The following LRBA variants were observed in gnomAD, a reference collection of about 807,000 sequenced individuals.
The protein encoded by LRBA is lipopolysaccharide-responsive and beige-like anchor protein.
LRBA carries 176 observed loss-of-function variants against 330.0 expected under a neutral mutation model. The observed-to-expected ratio is 0.53, with a 90% CI of 0.47 to 0.60. LRBA has a LOEUF of 0.60. Among genes scored for constraint, LRBA ranks in the 20% least tolerant of loss-of-function variants. LRBA has a pLI of 0.00. For missense variants in LRBA, 3,259 were observed against 3,444.8 expected (o/e 0.95, Z 1.35); for synonymous variants, 1,230 against 1,193.0 (o/e 1.03, Z -0.64).
At chr4:150,578,383 A>G (rs2126327318) in intron 40 of LRBA, among the ~76,000 whole-genome samples, 1 of 152,308 alleles carries the variant, frequency 6.6e-6, no homozygotes, top group East Asian at 1.9e-4. Flanking sequence ...AATTATAAAA[A>G]TTTCCTTAAA....
At chr4:150,577,011 A>G (rs1770631788) in intron 40 of LRBA, among the ~76,000 whole-genome samples, 1 of 151,922 alleles carries the variant, frequency 6.6e-6, no homozygotes, top group South Asian at 2.1e-4. Flanking sequence ...ACCATATAAA[A>G]TTATTAACAG....
intron 47 of LRBA, among the ~76,000 whole-genome samples, chr4:150,397,210 T>A (rs941859987): frequency 6.6e-6 from 1 of 152,212 alleles, no homozygotes; most frequent in African/African-American, 2.4e-5. Context: ...TGATGAAAAG[T>A]GAAAAATGAA....
At chr4:150,383,456 G>A (rs1406161266) in intron 47 of LRBA, among the ~76,000 whole-genome samples, 3 of 152,064 alleles carry the variant, frequency 2.0e-5, no homozygotes, top group Non-Finnish European at 4.4e-5. Context: ...GTCTCACTAT[G>A]TTGCCCAGGC....
intron 48 of LRBA, among the ~76,000 whole-genome samples, chr4:150,327,033 C>A (rs1050272844): frequency 2.6e-5 from 4 of 151,876 alleles, no homozygotes; most frequent in Non-Finnish European, 2.9e-5. Context: ...AAAATGGGAA[C>A]CTGAAGGCTA....
chr4:150,574,647 T>C (rs1242599007), intron 40 of LRBA, among the ~76,000 whole-genome samples: 1 of 152,050 alleles, frequency 6.6e-6, no homozygotes, highest in Non-Finnish European at 1.5e-5. Flanking sequence ...CCACCTTACA[T>C]TTAAAATACA....
intron 40 of LRBA, among the ~76,000 whole-genome samples, chr4:150,585,373 A>G (rs570961343): frequency 1.3e-5 from 2 of 152,330 alleles, no homozygotes; most frequent in South Asian, 4.1e-4. Context: ...CTTATATGCA[A>G]TTCAAACAAA....
At chr4:150,907,316 AAGGG>A (rs1486825584) in intron 11 of LRBA, among the ~76,000 whole-genome samples, 1 of 25,278 alleles carries the variant, frequency 4.0e-5, no homozygotes, top group African/African-American at 1.7e-4. Flanking sequence ...GGAGAGGGGG[AAGGG>A]AGGGAGGGGG....
chr4:150,520,822 T>G (rs1353840688), intron 40 of LRBA, among the ~76,000 whole-genome samples: 3 of 152,194 alleles, frequency 2.0e-5, no homozygotes, highest in East Asian at 3.8e-4. Flanking sequence ...ATGTACCTAT[T>G]GGGTAACTAT....
At chr4:151,003,692 T>G (rs532190397) in intron 2 of LRBA, among the ~76,000 whole-genome samples, 1 of 152,064 alleles carries the variant, frequency 6.6e-6, no homozygotes, top group Non-Finnish European at 1.5e-5. Context: ...CTCAGGAGGC[T>G]GAGGTGGGAG....
At chr4:150,278,726 G>A (rs1747131337) in intron 55 of LRBA, among the ~76,000 whole-genome samples, 1 of 152,124 alleles carries the variant, frequency 6.6e-6, no homozygotes, top group Non-Finnish European at 1.5e-5. Flanking sequence ...GCAGCCCACT[G>A]CCTGTTTCAT....
At chr4:150,909,262 G>A (rs753302498) in intron 9 of LRBA, among the ~76,000 whole-genome samples, 1 of 152,108 alleles carries the variant, frequency 6.6e-6, no homozygotes, top group Non-Finnish European at 1.5e-5. Context: ...AAACTCTGTA[G>A]CCATTTAACA....
intron 36 of LRBA, among the ~76,000 whole-genome samples, chr4:150,730,775 T>A (rs1312435239): frequency 6.6e-6 from 1 of 151,748 alleles, no homozygotes; most frequent in Non-Finnish European, 1.5e-5. Flanking sequence ...CTCAGCACTT[T>A]GGGAGGCTGA....
intron 53 of LRBA, among the ~76,000 whole-genome samples, chr4:150,293,859 T>A (rs1217646388): frequency 6.6e-6 from 1 of 152,244 alleles, no homozygotes; most frequent in African/African-American, 2.4e-5. Context: ...AAGATCTTTA[T>A]GATGATCTAC....
chr4:150,957,557 T>G lies in LRBA; in HGVS notation c.217-28492A>C, dbSNP rs561580375. ...TGCCCACGGCCCCTCCCAAATCTCA[T>G]ATCCTCACATTTCAAAACCAATCAT... On this transcript the variant is annotated intron_variant, in intron 2 of 56. Coordinates refer to ENST00000651943, the MANE Select transcript of LRBA (RefSeq NM_001364905.1). Among the ~76,000 whole-genome samples, 7 of 148,488 alleles carry G rather than the reference T, an allele frequency of 4.7e-5. No homozygotes were observed. The East Asian group carries it at 1.4e-3, about 29-fold the overall frequency.
chr4:150,526,994 C>G (rs552033017), intron 40 of LRBA, among the ~76,000 whole-genome samples: 1 of 150,970 alleles, frequency 6.6e-6, no homozygotes, highest in African/African-American at 2.4e-5. Context: ...GAGAATCTCT[C>G]TCTTCTTCTT....
chr4:150,355,253 T>C (rs1737684533), intron 47 of LRBA, among the ~76,000 whole-genome samples: 1 of 152,026 alleles, frequency 6.6e-6, no homozygotes, highest in African/African-American at 2.4e-5. Flanking sequence ...AACCAAATTT[T>C]TGCCAATGTA....
chr4:150,844,431 A>G (rs979064221), intron 27 of LRBA, among the ~76,000 whole-genome samples: 2 of 152,136 alleles, frequency 1.3e-5, no homozygotes, highest in Non-Finnish European at 1.5e-5. Flanking sequence ...AGGAAAAGGC[A>G]TCACAGAAAC....
intron 41 of LRBA, among the ~76,000 whole-genome samples, chr4:150,489,078 T>TAA (rs1374437412): frequency 3.2e-5 from 3 of 94,766 alleles, no homozygotes; most frequent in Non-Finnish European, 6.0e-5. Flanking sequence ...ATATTATATA[T>TAA]AATATTATAT....
At chr4:150,482,648 C>A (rs1757418965) in intron 42 of LRBA, among the ~76,000 whole-genome samples, 1 of 152,074 alleles carries the variant, frequency 6.6e-6, no homozygotes, top group South Asian at 2.1e-4. Context: ...TTTACTTCCC[C>A]ATCAACAACA....
Sources: allele counts gnomAD v4.1 joint callset (sites outside exome capture counted in the v4.1 genomes callset), GRCh38; gene constraint gnomAD v4.1.1; transcripts MANE v1.5; gene names NCBI Gene and HGNC (gene_info 2026-07-23, HGNC 2026-07-21).